Variants in SLC25A48 observed in about 807,000 individuals in gnomAD.
SLC25A48 encodes CTC-321K16.1.
SLC25A48 carries 29 observed loss-of-function variants against 32.2 expected under a neutral mutation model. The ratio of observed to expected loss-of-function variants is 0.90; its 90% confidence interval spans 0.67 to 1.23. The LOEUF (loss-of-function observed/expected upper bound fraction) is 1.23, where lower values mean the gene tolerates loss of function less well. Ranked by LOEUF, SLC25A48 falls within the 50% of genes most tolerant of loss-of-function variation. The pLI is 0.00. For missense variants in SLC25A48, 399 were observed against 422.7 expected, an observed-to-expected ratio of 0.94 and a Z score of 0.49; for synonymous variants, 164 against 172.3, an observed-to-expected ratio of 0.95 and a Z score of 0.38.
chr5:135,654,052 G>A (rs550081800), intron 3 of SLC25A48: 60 of 382,278 alleles, frequency 1.6e-4, no homozygotes, highest in Non-Finnish European at 2.4e-4. Flanking sequence ...GCCTGCTTAT[G>A]TAACAGCCAC....
At chr5:135,754,879 A>G (rs1755858208) in intron 3 of SLC25A48, among the ~76,000 whole-genome samples, 1 of 152,054 alleles carries the variant, frequency 6.6e-6, no homozygotes, top group Non-Finnish European at 1.5e-5. Context: ...CAGTGTTTAT[A>G]CACTGTGATA....
At chr5:135,829,740 G>T (rs185589297), upstream of SLC25A48, among the ~76,000 whole-genome samples, 1 of 152,154 alleles carries the variant, frequency 6.6e-6, no homozygotes, top group African/African-American at 2.4e-5. Context: ...TCTACTTCCC[G>T]AGTCTTGGCT....
At chr5:135,782,415 T>C (rs1756736942) in intron 3 of SLC25A48, among the ~76,000 whole-genome samples, 1 of 116,892 alleles carries the variant, frequency 8.6e-6, no homozygotes, top group African/African-American at 2.6e-5. Flanking sequence ...CCGCAGCAGG[T>C]GCACATCGCT....
chr5:135,785,668 G>T (rs1010077805), intron 3 of SLC25A48, among the ~76,000 whole-genome samples: 1 of 151,050 alleles, frequency 6.6e-6, no homozygotes, highest in Non-Finnish European at 1.5e-5. Flanking sequence ...CATGGGGAGA[G>T]GGGGGTGGAA....
intron 3 of SLC25A48, chr5:135,649,246 G>GAAATAATTTA (rs1753044870): frequency 6.6e-6 from 1 of 152,094 alleles, no homozygotes; most frequent in Non-Finnish European, 1.5e-5. Flanking sequence ...ATTATTTTAG[G>GAAATAATTTA]GTGGAAAAGA....
intron 6 of SLC25A48, among the ~76,000 whole-genome samples, chr5:135,877,464 G>A (rs1317927175): frequency 1.3e-5 from 2 of 150,426 alleles, no homozygotes; most frequent in East Asian, 2.0e-4. Context: ...GTCACTCCAG[G>A]AAACCTGAAC....
intron 3 of SLC25A48, among the ~76,000 whole-genome samples, chr5:135,771,544 TG>T (rs1019879193): frequency 6.6e-6 from 1 of 151,102 alleles, no homozygotes; most frequent in Non-Finnish European, 1.5e-5. Flanking sequence ...CTCATTTTCG[TG>T]GGGGGTGTAC....
intron 3 of SLC25A48, among the ~76,000 whole-genome samples, chr5:135,687,267 T>C (rs1754038974): frequency 6.6e-6 from 1 of 152,198 alleles, no homozygotes; most frequent in South Asian, 2.1e-4. Flanking sequence ...ACCACCTATA[T>C]ATTTGGAAAA....
chr5:135,874,199 G>T, intron 6 of SLC25A48, 45 bp downstream of exon 6: 2 of 1,401,978 alleles, frequency 1.4e-6, no homozygotes, highest in Non-Finnish European at 1.8e-6. Context: ...GTCCCTGGAA[G>T]GTGGTTCACA....
At position 135,888,586 on chromosome 5, in the gene SLC25A48, C is replaced by CT. The variant is rs1762817116; in HGVS notation, c.*562_*563insT. On this transcript the variant is annotated 3_prime_UTR_variant, in exon 8 of 8. Transcript: ENST00000681962. ...ATTAGTGTCTGTTGAGTGATTAAAT[C>CT]ACATCCTCAGGTCTGCAGCAAATAA... 1 of 153,256 alleles carries CT rather than the reference C, an allele frequency of 6.5e-6. No individual in the cohort carries two copies. Among genetic ancestry groups the CT allele is most frequent in the South Asian group, 2.1e-4 (1 of 4,832 alleles). 9.5% of individuals were successfully genotyped at this position (153,256 alleles called of 1,614,324 possible). A position where few individuals can be genotyped will look rare whatever the true frequency, so the allele number is the denominator to read the frequency against.
intron 3 of SLC25A48, among the ~76,000 whole-genome samples, chr5:135,810,342 T>C (rs1238375842): frequency 1.3e-5 from 2 of 152,192 alleles, no homozygotes; most frequent in African/African-American, 4.8e-5. Flanking sequence ...CTGTGGATTG[T>C]GAAACTCACA....
intron 6 of SLC25A48, among the ~76,000 whole-genome samples, chr5:135,876,944 A>G (rs999324652): frequency 5.3e-5 from 8 of 152,166 alleles, no homozygotes; most frequent in Admixed American, 1.3e-4. Context: ...TGTGGCTCGC[A>G]GAGATAGAGT....
chr5:135,593,195 A>G (rs1034128195), intron 1 of SLC25A48, among the ~76,000 whole-genome samples: 5 of 152,110 alleles, frequency 3.3e-5, no homozygotes, highest in Admixed American at 1.3e-4. Flanking sequence ...CCTCATTTCT[A>G]GTCACGGCTG....
chr5:135,864,115 A>G (rs985268589), intron 4 of SLC25A48, among the ~76,000 whole-genome samples: 26 of 152,310 alleles, frequency 1.7e-4, no homozygotes, highest in Non-Finnish European at 3.4e-4. Context: ...GCTGGATGGT[A>G]ACAGCAGAGA....
At chr5:135,728,043 G>T (rs975930542) in intron 3 of SLC25A48, among the ~76,000 whole-genome samples, 2 of 152,110 alleles carry the variant, frequency 1.3e-5, no homozygotes, top group African/African-American at 4.8e-5. Context: ...ATCACCTGAG[G>T]TCAGGAGTTT....
At chr5:135,668,212 G>A (rs1753568673) in intron 3 of SLC25A48, among the ~76,000 whole-genome samples, 1 of 152,206 alleles carries the variant, frequency 6.6e-6, no homozygotes, top group Admixed American at 6.5e-5. Context: ...AGCGGCCAGA[G>A]ATTTCATCAT....
intron 3 of SLC25A48, among the ~76,000 whole-genome samples, chr5:135,637,137 T>C (rs1422772642): frequency 6.6e-6 from 1 of 152,236 alleles, no homozygotes. Context: ...TCAGAGTTTA[T>C]AATTTATCAC....
At chr5:135,706,602 G>A (rs1234628634) in intron 3 of SLC25A48, among the ~76,000 whole-genome samples, 4 of 152,262 alleles carry the variant, frequency 2.6e-5, no homozygotes, top group East Asian at 3.9e-4. Context: ...GTGCTCTAGC[G>A]TGGCAAGTAC....
chr5:135,729,264 A>C (rs2126990082), intron 3 of SLC25A48, among the ~76,000 whole-genome samples: 1 of 152,194 alleles, frequency 6.6e-6, no homozygotes, highest in Non-Finnish European at 1.5e-5. Flanking sequence ...GTAATAGGAT[A>C]GTTTTCTGGG....
Sources: gnomAD v4.1 joint callset for allele counts (sites outside exome capture counted in the v4.1 genomes callset) on GRCh38, gnomAD v4.1.1 for gene constraint, MANE v1.5 for transcripts, NCBI Gene and HGNC (gene_info 2026-07-23, HGNC 2026-07-21) for gene names.